AGPS: variants seen among roughly 807,000 people sequenced by gnomAD.
AGPS encodes alkyldihydroxyacetonephosphate synthase, peroxisomal.
In AGPS, 26 loss-of-function variants were observed where a neutral mutation model predicts 90.7. The observed-to-expected ratio is 0.29, with a 90% CI of 0.21 to 0.40. AGPS has a LOEUF of 0.40. AGPS is among the 10% of genes least tolerant of loss of function. The pLI, the probability that AGPS is intolerant of heterozygous loss-of-function variation, is 1.00. For synonymous variants in AGPS, 294 were observed against 285.3 expected (o/e 1.03, Z -0.31); for missense variants, 540 against 816.1 (o/e 0.66, Z 4.12).
chr2:177,463,028 T>C (rs1176275841), intron 9 of AGPS, among the ~76,000 whole-genome samples: 4 of 152,226 alleles, frequency 2.6e-5, no homozygotes, highest in Non-Finnish European at 4.4e-5. Flanking sequence ...TTTGCATTTT[T>C]CTGAAAATAA....
intron 1 of AGPS, among the ~76,000 whole-genome samples, chr2:177,401,427 A>T (rs1191500055): frequency 6.6e-6 from 1 of 152,206 alleles, no homozygotes; most frequent in Non-Finnish European, 1.5e-5. Flanking sequence ...TGATCCTCAC[A>T]ACTGCCCATT....
At chr2:177,461,133 A>G (rs893346075) in intron 8 of AGPS, among the ~76,000 whole-genome samples, 1 of 152,214 alleles carries the variant, frequency 6.6e-6, no homozygotes, top group Non-Finnish European at 1.5e-5. Flanking sequence ...GACAGCGGGT[A>G]TGCAGATGGT....
At chr2:177,445,394 A>G (rs1007978945) in intron 7 of AGPS, 152 bp from the exon 8 acceptor site, 1 of 686,576 alleles carries the variant, frequency 1.5e-6, no homozygotes, top group Non-Finnish European at 2.6e-6. Flanking sequence ...AGTCTGGGAT[A>G]AGTGGACTTG....
At chr2:177,532,908 T>C (rs924467119) in intron 19 of AGPS, among the ~76,000 whole-genome samples, 4 of 152,230 alleles carry the variant, frequency 2.6e-5, no homozygotes, top group African/African-American at 9.6e-5. Context: ...TGGTTCTATT[T>C]CTATAACATT....
chr2:177,513,995 GA>G (rs1688954695), intron 17 of AGPS, 87 bp downstream of exon 17: 1 of 1,018,008 alleles, frequency 9.8e-7, no homozygotes, highest in South Asian at 1.3e-5. Flanking sequence ...TTCCAGCTGA[GA>G]AAAAGCTTCA....
At chr2:177,432,192 A>G (rs1438511129) in intron 2 of AGPS, among the ~76,000 whole-genome samples, 1 of 152,178 alleles carries the variant, frequency 6.6e-6, no homozygotes, top group Admixed American at 6.5e-5. Flanking sequence ...GAATGATTTC[A>G]TTGGCCTTGA....
chr2:177,534,563 T>A (rs1233134081), intron 19 of AGPS, among the ~76,000 whole-genome samples: 2 of 107,618 alleles, frequency 1.9e-5, no homozygotes, highest in East Asian at 6.6e-4. Context: ...CCCCATTAGT[T>A]TTCTTTCTTT....
chr2:177,396,949 T>C (rs72950064), intron 1 of AGPS, among the ~76,000 whole-genome samples: 9 of 11,270 alleles, frequency 8.0e-4, no homozygotes, highest in Admixed American at 2.1e-3. Flanking sequence ...TTTCTTTTTT[T>C]TTTTTTTGCT....
intron 17 of AGPS, among the ~76,000 whole-genome samples, chr2:177,521,066 T>G (rs1321882328): frequency 6.6e-6 from 1 of 152,244 alleles, no homozygotes; most frequent in African/African-American, 2.4e-5. Context: ...ATTCTTGTTT[T>G]GCACTGCGTC....
chr2:177,539,294 T>A lies in AGPS; in HGVS notation c.*1099T>A, dbSNP rs1019860799. 3 of 151,976 alleles carry A rather than the reference T, an allele frequency of 2.0e-5. No homozygotes were observed. Among genetic ancestry groups the A allele is most frequent in the African/African-American group, 7.2e-5 (3 of 41,426 alleles). The allele number at this position is 151,976 out of a possible 1,614,324, so 9.4% of individuals were successfully genotyped here. The stretch of plus-strand genomic sequence containing the variant: ...TTTTGAATAACTGGTTTAACCTAAT[T>A]TTTTTTAAATGTAATGTATTAATGC... On this transcript the variant is annotated 3_prime_UTR_variant, in exon 20 of 20. Transcript: ENST00000264167.
intron 8 of AGPS, among the ~76,000 whole-genome samples, chr2:177,460,123 C>G (rs1687248352): frequency 6.6e-6 from 1 of 152,126 alleles, no homozygotes; most frequent in South Asian, 2.1e-4. Context: ...AATGAGTACA[C>G]ATGGATACAG....
chr2:177,420,149 T>A (rs1225393596), intron 1 of AGPS, 120 bp from the exon 2 acceptor site: 7 of 679,158 alleles, frequency 1.0e-5, no homozygotes, highest in Non-Finnish European at 1.8e-5. Context: ...TATTTAACCT[T>A]ATACAATATT....
At chr2:177,405,398 T>C (rs1373387193) in intron 1 of AGPS, among the ~76,000 whole-genome samples, 1 of 152,264 alleles carries the variant, frequency 6.6e-6, no homozygotes, top group Non-Finnish European at 1.5e-5. Flanking sequence ...TATCTGCTCA[T>C]TGTTTTTGAT....
rs2079235172 is a variant in AGPS, at chr2:177,541,539, A to G, written c.*3344A>G. The G allele has an allele frequency of 1.3e-5, 2 of 152,316 alleles. No homozygotes were observed. The highest frequency in any genetic ancestry group is 2.1e-4 in the South Asian group (1 of 4,830). The allele number at this position is 152,316 out of a possible 1,614,324, so 9.4% of individuals were successfully genotyped here. On this transcript the variant is annotated 3_prime_UTR_variant, in exon 20 of 20. Coordinates refer to ENST00000264167, the MANE Select transcript of AGPS (RefSeq NM_003659.4). ...GCCAAAATGGAATGCTGTGGAAAGC[A>G]TATCTATATCTTAAAAAACACTCAG... is the stretch of plus-strand genomic sequence containing the variant.
At chr2:177,479,514 A>T (rs1687881466) in intron 10 of AGPS, among the ~76,000 whole-genome samples, 1 of 152,250 alleles carries the variant, frequency 6.6e-6, no homozygotes, top group African/African-American at 2.4e-5. Context: ...AAAAAGTAGA[A>T]TCCCATATGT....
Position 177,538,463 on chromosome 2 carries a change from A to G in AGPS, c.*268A>G, listed in dbSNP as rs781415904. Reference sequence around the variant, plus strand: ...TTAGTCAGGCAGCACAAAGCTGTCAATTATTCCAGAGGAAGCTGCTGCCAG... The same window carrying G: ...TTAGTCAGGCAGCACAAAGCTGTCAGTTATTCCAGAGGAAGCTGCTGCCAG... On this transcript the variant is annotated 3_prime_UTR_variant, in exon 20 of 20. Transcript: ENST00000264167. 1.6e-4 allele frequency: 70 copies of G among 438,718 alleles called. No homozygotes were observed. Among genetic ancestry groups the G allele is most frequent in the African/African-American group, 1.1e-3 (53 of 50,016 alleles). The allele number at this position is 438,718 out of a possible 1,614,324, so 27.2% of individuals were successfully genotyped here.
chr2:177,522,711 C>T (rs1689234774), intron 18 of AGPS, among the ~76,000 whole-genome samples: 1 of 152,170 alleles, frequency 6.6e-6, no homozygotes, highest in Admixed American at 6.5e-5. Context: ...ACCTTGGCCT[C>T]CCAAAGTGCT....
intron 19 of AGPS, among the ~76,000 whole-genome samples, chr2:177,526,227 C>CTTTTTTTT (rs749224337): frequency 1.6e-4 from 20 of 124,290 alleles, no homozygotes; most frequent in African/African-American, 4.6e-4. Context: ...AGCTTCTTGT[C>CTTTTTTTT]TTTTTTTTTT....
At chr2:177,446,491 T>C (rs951188993) in intron 8 of AGPS, among the ~76,000 whole-genome samples, 1 of 152,088 alleles carries the variant, frequency 6.6e-6, no homozygotes, top group Non-Finnish European at 1.5e-5. Flanking sequence ...TGAAGGCTAG[T>C]GTGTGTATGG....
Sources: gnomAD v4.1 joint callset for allele counts (sites outside exome capture counted in the v4.1 genomes callset) on GRCh38, gnomAD v4.1.1 for gene constraint, MANE v1.5 for transcripts, NCBI Gene and HGNC (gene_info 2026-07-23, HGNC 2026-07-21) for gene names.